ULK4: variants seen among roughly 807,000 people sequenced by gnomAD.
ULK4 encodes inactive serine/threonine-protein kinase ULK4.
A neutral mutation model predicts 160.6 loss-of-function variants in ULK4; 133 were observed. The observed-to-expected ratio is 0.83, with a 90% CI of 0.72 to 0.96. The LOEUF (loss-of-function observed/expected upper bound fraction) is 0.96. ULK4 is among the 40% of genes least tolerant of loss of function. The probability of loss-of-function intolerance (pLI) is 0.00; values close to 1 mark genes in which losing one functional copy is unlikely to be tolerated. For missense variants in ULK4, 1,580 were observed against 1,499.5 expected, an observed-to-expected ratio of 1.05 and a Z score of -0.89; for synonymous variants, 534 against 539.8, an observed-to-expected ratio of 0.99 and a Z score of 0.15.
chr3:41,490,505 C>T (rs1225487179), intron 32 of ULK4, among the ~76,000 whole-genome samples: 1 of 152,180 alleles, frequency 6.6e-6, no homozygotes, highest in African/African-American at 2.4e-5. Context: ...GGTACACATT[C>T]CTCCACTCAC....
intron 35 of ULK4, among the ~76,000 whole-genome samples, chr3:41,369,046 T>C (rs1409860414): frequency 6.6e-6 from 1 of 152,196 alleles, no homozygotes; most frequent in Admixed American, 6.5e-5. Flanking sequence ...TAAATAAGAA[T>C]AAACAGACAT....
intron 2 of ULK4, among the ~76,000 whole-genome samples, chr3:41,950,552 C>A (rs1559671918): frequency 6.6e-6 from 1 of 151,800 alleles, no homozygotes; most frequent in Non-Finnish European, 1.5e-5. Flanking sequence ...CCACTCCCAG[C>A]TAATTTTTGT....
intron 35 of ULK4, among the ~76,000 whole-genome samples, chr3:41,350,722 G>A (rs1375775802): frequency 1.3e-5 from 2 of 152,212 alleles, no homozygotes; most frequent in East Asian, 3.9e-4. Flanking sequence ...AAGAGATACA[G>A]AAATCCAAGT....
At chr3:41,508,468 T>C (rs558583255) in intron 32 of ULK4, among the ~76,000 whole-genome samples, 3 of 152,138 alleles carry the variant, frequency 2.0e-5, no homozygotes, top group African/African-American at 4.8e-5. Flanking sequence ...ATCCTCCCTA[T>C]AGTATCACAG....
intron 35 of ULK4, among the ~76,000 whole-genome samples, chr3:41,251,673 G>A (rs2078744637): frequency 1.3e-5 from 2 of 152,166 alleles, no homozygotes; most frequent in African/African-American, 4.8e-5. Context: ...TTGTGTCCCA[G>A]GCCATTCTGT....
chr3:41,856,396 A>G (rs2042335803), intron 17 of ULK4, among the ~76,000 whole-genome samples: 1 of 151,122 alleles, frequency 6.6e-6, no homozygotes, highest in Admixed American at 6.7e-5. Context: ...GATGTAAAAT[A>G]TGGCAACCTA....
chr3:41,705,085 G>A lies in ULK4; in HGVS notation c.2753C>T (p.Pro918Leu), dbSNP rs900616557. 8 of 1,613,152 alleles carry A rather than the reference G, an allele frequency of 5.0e-6. No individual in the cohort carries two copies. The African/African-American group carries it at 1.1e-4, about 22-fold the overall frequency. Residue 918 changes from proline to leucine, a missense_variant, in exon 27 of 37, where the codon CCT (proline) becomes CTT (leucine). By Grantham distance (98) the Pro-to-Leu change is moderately conservative (BLOSUM62 -3). Coordinates refer to ENST00000301831, the MANE Select transcript of ULK4 (RefSeq NM_017886.4). ...LSAFEAIIQY[P>L]ILLKDYRSTV... ...GGAGCGATAGTCTTTCAATAAAATA[G>A]GATACTGTATTATTGCTTCAAAAGC...
chr3:41,524,691 G>T (rs561165049), intron 32 of ULK4, among the ~76,000 whole-genome samples: 2 of 152,246 alleles, frequency 1.3e-5, no homozygotes, highest in South Asian at 4.1e-4. Flanking sequence ...TGTAATCCCA[G>T]CACTTTGGGA....
intron 36 of ULK4, among the ~76,000 whole-genome samples, chr3:41,248,281 T>C (rs915233621): frequency 2.6e-5 from 4 of 152,118 alleles, no homozygotes; most frequent in African/African-American, 4.8e-5. Flanking sequence ...CAGGATCCGA[T>C]GGCATGTGCT....
intron 29 of ULK4, among the ~76,000 whole-genome samples, chr3:41,676,038 C>T (rs2035701254): frequency 1.3e-5 from 2 of 152,094 alleles, no homozygotes; most frequent in African/African-American, 4.8e-5. Flanking sequence ...AGGACTCAGC[C>T]CAGGGGATGC....
intron 21 of ULK4, among the ~76,000 whole-genome samples, chr3:41,762,180 C>G (rs566259433): frequency 6.6e-6 from 1 of 152,114 alleles, no homozygotes; most frequent in Non-Finnish European, 1.5e-5. Context: ...TTAAACAAAC[C>G]GTAAGAGAAA....
chr3:41,379,564 G>A (rs1157912595), intron 35 of ULK4, among the ~76,000 whole-genome samples: 1 of 152,174 alleles, frequency 6.6e-6, no homozygotes, highest in African/African-American at 2.4e-5. Context: ...ACCGGTCTAG[G>A]AAGTTTGGCA....
Position 41,938,116 on chromosome 3 carries a change from C to G in ULK4, c.220G>C (p.Val74Leu), listed in dbSNP as rs1019789286. 1.2e-6 allele frequency: 2 copies of G among 1,612,236 alleles called. No individual in the cohort carries two copies. The highest frequency in any genetic ancestry group is 1.7e-4 in the Middle Eastern group (1 of 6,050). Residue 74 changes from valine to leucine, a missense_variant, in exon 3 of 37, where the codon GTG becomes CTG. Coordinates refer to ENST00000301831, the MANE Select transcript of ULK4 (RefSeq NM_017886.4). ...WYETSNHLWL[V>L]VELCTGGSLK... ...TTCTTACCTGTGCAGAGTTCCACCA[C>G]TAGCCAGAGGTGGTTGCTTGTTTCA...
intron 32 of ULK4, among the ~76,000 whole-genome samples, chr3:41,494,274 T>C (rs1575307549): frequency 9.3e-6 from 1 of 107,478 alleles, no homozygotes; most frequent in Non-Finnish European, 2.0e-5. Context: ...GCTGGTTCAA[T>C]ATACACAAAT....
chr3:41,949,812 C>T (rs1381928867), intron 2 of ULK4, among the ~76,000 whole-genome samples: 1 of 151,576 alleles, frequency 6.6e-6, no homozygotes, highest in East Asian at 1.9e-4. Context: ...TCGCGGCTCA[C>T]TGCAACCTCG....
chr3:41,345,782 T>G (rs1348670571), intron 35 of ULK4, among the ~76,000 whole-genome samples: 1 of 152,066 alleles, frequency 6.6e-6, no homozygotes, highest in Admixed American at 6.5e-5. Context: ...CATGAAAATA[T>G]AAGTTGAAGA....
intron 35 of ULK4, among the ~76,000 whole-genome samples, chr3:41,297,919 T>C (rs1223839003): frequency 6.6e-6 from 1 of 152,218 alleles, no homozygotes; most frequent in Non-Finnish European, 1.5e-5. Context: ...CCTGGCAATG[T>C]TACACACTTT....
intron 5 of ULK4, among the ~76,000 whole-genome samples, chr3:41,930,943 A>G (rs1255260190): frequency 6.6e-6 from 1 of 152,238 alleles, no homozygotes; most frequent in Non-Finnish European, 1.5e-5. Context: ...GGGATCTAGA[A>G]CCAGAAATAC....
At chr3:41,868,960 CCTGA>C (rs1696997768) in intron 17 of ULK4, 2 of 152,180 alleles carry the variant, frequency 1.3e-5, no homozygotes, top group South Asian at 4.1e-4. Context: ...TTCCTCCTTT[CCTGA>C]CTTATTATTC....
Sources: allele counts gnomAD v4.1 joint callset (sites outside exome capture counted in the v4.1 genomes callset), GRCh38; gene constraint gnomAD v4.1.1; transcripts MANE v1.5; gene names NCBI Gene and HGNC (gene_info 2026-07-23, HGNC 2026-07-21).